The following SGCZ variants were observed in gnomAD, a reference collection of about 807,000 sequenced individuals.
SGCZ encodes sarcoglycan zeta.
Under a neutral mutation model 41.3 loss-of-function variants are expected in SGCZ, and 40 were observed. The observed-to-expected ratio is 0.97, with a 90% CI of 0.75 to 1.26. The LOEUF is 1.26. SGCZ is among the 50% of genes most tolerant of loss of function. The pLI is 0.00. For missense variants in SGCZ, 552 were observed against 369.8 expected (o/e 1.49, Z -4.04); for synonymous variants, 206 against 137.5 (o/e 1.50, Z -3.49).
At chr8:14,632,126 C>T (rs975435512) in intron 1 of SGCZ, among the ~76,000 whole-genome samples, 6 of 152,016 alleles carry the variant, frequency 3.9e-5, no homozygotes, top group African/African-American at 1.4e-4. Context: ...TTAAATGATC[C>T]TCCCACCTCA....
chr8:14,227,453 AG>A (rs1404682625), intron 4 of SGCZ, among the ~76,000 whole-genome samples: 1 of 152,072 alleles, frequency 6.6e-6, no homozygotes, highest in Non-Finnish European at 1.5e-5. Flanking sequence ...TGACAAAATG[AG>A]ATTTTTCATT....
intron 1 of SGCZ, among the ~76,000 whole-genome samples, chr8:14,955,466 G>A (rs556556172): frequency 2.0e-5 from 3 of 152,150 alleles, no homozygotes; most frequent in Non-Finnish European, 4.4e-5. Context: ...ACAGGGATGT[G>A]CATTTCAACT....
At chr8:15,166,924 C>G (rs1799682841) in intron 1 of SGCZ, among the ~76,000 whole-genome samples, 1 of 152,106 alleles carries the variant, frequency 6.6e-6, no homozygotes, top group South Asian at 2.1e-4. Flanking sequence ...TCATGAATAT[C>G]AAGCAAAACT....
At chr8:14,716,156 T>A (rs1809683200) in intron 1 of SGCZ, among the ~76,000 whole-genome samples, 1 of 151,904 alleles carries the variant, frequency 6.6e-6, no homozygotes. Context: ...AATGACATAA[T>A]TGAGCCGAGT....
At chr8:14,710,608 G>A (rs1809485381) in intron 1 of SGCZ, among the ~76,000 whole-genome samples, 1 of 151,772 alleles carries the variant, frequency 6.6e-6, no homozygotes, top group African/African-American at 2.4e-5. Flanking sequence ...TGCCTTATTT[G>A]TGTATTTATT....
At chr8:14,343,304 C>A (rs1753157294) in intron 2 of SGCZ, among the ~76,000 whole-genome samples, 1 of 152,122 alleles carries the variant, frequency 6.6e-6, no homozygotes, top group Admixed American at 6.5e-5. Flanking sequence ...AAGAAGAGGG[C>A]CACCATCCTC....
intron 7 of SGCZ, among the ~76,000 whole-genome samples, chr8:14,098,126 T>C (rs1205774566): frequency 6.6e-6 from 1 of 152,126 alleles, no homozygotes; most frequent in African/African-American, 2.4e-5. Flanking sequence ...AGTTATTCAG[T>C]AAATGAATAC....
chr8:14,836,474 C>T (rs1296216074), intron 1 of SGCZ, among the ~76,000 whole-genome samples: 1 of 152,108 alleles, frequency 6.6e-6, no homozygotes, highest in East Asian at 1.9e-4. Context: ...TGTCGCCCTC[C>T]CTCTCTGCAT....
At chr8:14,967,913 C>T (rs750488532) in intron 1 of SGCZ, among the ~76,000 whole-genome samples, 1 of 152,110 alleles carries the variant, frequency 6.6e-6, no homozygotes, top group East Asian at 1.9e-4. Flanking sequence ...GACAGTCACT[C>T]CTATTACACA....
At chr8:14,526,328 T>A (rs1279096509) in intron 2 of SGCZ, among the ~76,000 whole-genome samples, 1 of 152,106 alleles carries the variant, frequency 6.6e-6, no homozygotes, top group Non-Finnish European at 1.5e-5. Flanking sequence ...AATTTCACTA[T>A]CGATGTGGCA....
intron 1 of SGCZ, among the ~76,000 whole-genome samples, chr8:15,178,299 C>T (rs1316257068): frequency 6.6e-6 from 1 of 151,686 alleles, no homozygotes; most frequent in Admixed American, 6.6e-5. Flanking sequence ...TTTGTTTTAC[C>T]AATCACCTAA....
chr8:14,567,508 G>C (rs940021405), intron 1 of SGCZ, among the ~76,000 whole-genome samples: 2 of 152,246 alleles, frequency 1.3e-5, no homozygotes, highest in East Asian at 1.9e-4. Context: ...GGACCAATCA[G>C]CACCTTGTCA....
At chr8:15,214,255 T>C (rs1384864151) in intron 1 of SGCZ, among the ~76,000 whole-genome samples, 1 of 152,128 alleles carries the variant, frequency 6.6e-6, no homozygotes, top group Non-Finnish European at 1.5e-5. Context: ...ACTGTCACGA[T>C]AACTAAGCAG....
At chr8:14,580,401 A>G (rs1563129539) in intron 1 of SGCZ, among the ~76,000 whole-genome samples, 1 of 152,218 alleles carries the variant, frequency 6.6e-6, no homozygotes, top group Non-Finnish European at 1.5e-5. Context: ...AGGATTTAAT[A>G]ATACAAACCT....
At chr8:14,854,921 T>TGAACAATCATGCAGAGGTCC (rs1252200711) in intron 1 of SGCZ, among the ~76,000 whole-genome samples, 1 of 151,466 alleles carries the variant, frequency 6.6e-6, no homozygotes, top group Admixed American at 6.6e-5. Flanking sequence ...CACAGGGGCC[T>TGAACAATCATGCAGAGGTCC]GAACAATCAT....
chr8:14,606,164 T>C (rs1805742424), intron 1 of SGCZ, among the ~76,000 whole-genome samples: 1 of 152,142 alleles, frequency 6.6e-6, no homozygotes, highest in Non-Finnish European at 1.5e-5. Flanking sequence ...AATAGTCTTT[T>C]TATTAGCCAT....
chr8:14,693,155 G>C (rs536035814), intron 1 of SGCZ, among the ~76,000 whole-genome samples: 7 of 152,026 alleles, frequency 4.6e-5, no homozygotes, highest in Non-Finnish European at 1.0e-4. Flanking sequence ...TATTACATTT[G>C]TGCATAAATA....
chr8:15,119,349 G>A (rs566568207), intron 1 of SGCZ, among the ~76,000 whole-genome samples: 3 of 151,998 alleles, frequency 2.0e-5, no homozygotes, highest in African/African-American at 7.2e-5. Context: ...TAGACAATAT[G>A]GTGAAACCTG....
chr8:14,634,854 C>G (rs964731137), intron 1 of SGCZ, among the ~76,000 whole-genome samples: 11 of 151,760 alleles, frequency 7.2e-5, no homozygotes, highest in African/African-American at 2.7e-4. Flanking sequence ...CTGTGAATAT[C>G]ACATTTTTTG....
Sources: gnomAD v4.1 joint callset for allele counts (sites outside exome capture counted in the v4.1 genomes callset) on GRCh38, gnomAD v4.1.1 for gene constraint, MANE v1.5 for transcripts, NCBI Gene and HGNC (gene_info 2026-07-23, HGNC 2026-07-21) for gene names.